The following NDUFB6 variants were observed in gnomAD, a reference collection of about 807,000 sequenced individuals.
NDUFB6 encodes NADH dehydrogenase [ubiquinone] 1 beta subcomplex subunit 6.
In NDUFB6, 23 loss-of-function variants were observed where a neutral mutation model predicts 17.5. The observed-to-expected ratio is 1.31, with a 90% CI of 0.94 to 1.86. The LOEUF is 1.86. Among genes scored for constraint, NDUFB6 ranks in the 40% most tolerant of loss-of-function variants. The pLI is 0.00. For missense variants in NDUFB6, 167 were observed against 153.8 expected (o/e 1.09, Z -0.46); for synonymous variants, 60 against 53.5 (o/e 1.12, Z -0.53).
chr9:32,567,229 G>C, intron 2 of NDUFB6: 7 of 474,096 alleles, frequency 1.5e-5, no homozygotes, highest in Non-Finnish European at 2.6e-5. Flanking sequence ...CACCAGGTGT[G>C]CTCTGCAAAA....
intron 2 of NDUFB6, among the ~76,000 whole-genome samples, chr9:32,565,870 G>A (rs1821769959): frequency 6.6e-6 from 1 of 152,098 alleles, no homozygotes; most frequent in African/African-American, 2.4e-5. Context: ...TACTTGGGAG[G>A]TTGAGGCAGG....
chr9:32,561,798 CTTTA>C (rs1387163093), intron 2 of NDUFB6, among the ~76,000 whole-genome samples: 1 of 152,268 alleles, frequency 6.6e-6, no homozygotes, highest in Non-Finnish European at 1.5e-5. Flanking sequence ...GTGTCTCTGG[CTTTA>C]TTTTTCTTCT....
Position 32,558,915 on chromosome 9 carries a change from A to G in NDUFB6, c.313T>C (p.Phe105Leu), listed in dbSNP as rs1158349530. The G allele has an allele frequency of 3.2e-6, 5 of 1,578,802 alleles. No individual in the cohort carries two copies. Among genetic ancestry groups the G allele is most frequent in the African/African-American group, 1.3e-5 (1 of 74,428 alleles). Residue 105 changes from phenylalanine to leucine, a missense_variant, in exon 3 of 4, where the codon TTC (phenylalanine) becomes CTC (leucine). Coordinates refer to ENST00000379847, the MANE Select transcript of NDUFB6 (RefSeq NM_002493.5). The part of the protein sequence containing the change: ...YGIVEKKSRI[F>L]PGDTILETGE... The stretch of plus-strand genomic sequence containing the variant: ...TCAGAAGTGTTAAGACTTACAGGGA[A>G]TATTCTGGACTTCTTTTCAACTATG...
At chr9:32,564,333 T>C (rs1821714338) in intron 2 of NDUFB6, among the ~76,000 whole-genome samples, 1 of 152,192 alleles carries the variant, frequency 6.6e-6, no homozygotes, top group Non-Finnish European at 1.5e-5. Context: ...CTCACAGGCA[T>C]ACCTTACTTT....
intron 2 of NDUFB6, chr9:32,568,754 T>A (rs1427115905): frequency 9.0e-4 from 83 of 92,220 alleles, no homozygotes; most frequent in Admixed American, 9.1e-4. Flanking sequence ...ATATATTTTT[T>A]TTTTTTTTTT....
chr9:32,567,096 G>A (rs570285058), intron 2 of NDUFB6: 5 of 485,522 alleles, frequency 1.0e-5, no homozygotes, highest in African/African-American at 2.0e-5. Context: ...CACAGGGCCC[G>A]CAGCTTCACA....
chr9:32,573,072 T>C lies in NDUFB6; in HGVS notation c.-12A>G. The C allele has an allele frequency of 6.5e-7, 1 of 1,544,532 alleles. No individual in the cohort carries two copies. Among genetic ancestry groups the C allele is most frequent in the South Asian group, 1.2e-5 (1 of 84,410 alleles). ...GTGTACCCCGTCATGTCGCCGCTGG[T>C]ACCAACGCAAAAGGACACGGCGCAC... On this transcript the variant is annotated 5_prime_UTR_variant, in exon 1 of 4. Transcript: ENST00000379847.
intron 3 of NDUFB6, 27 bp downstream of exon 3, chr9:32,558,883 A>T (rs200276188): frequency 6.9e-7 from 1 of 1,454,672 alleles, no homozygotes; most frequent in East Asian, 2.3e-5. Flanking sequence ...AATAAACAAA[A>T]GAAAAATCAG....
At chr9:32,554,644 T>G (rs929883976) in intron 3 of NDUFB6, among the ~76,000 whole-genome samples, 1 of 152,248 alleles carries the variant, frequency 6.6e-6, no homozygotes, top group Non-Finnish European at 1.5e-5. Flanking sequence ...GACCTGGTAC[T>G]GCTCAGGATT....
intron 2 of NDUFB6, 42 bp from the exon 3 acceptor site, chr9:32,558,996 G>C: frequency 7.0e-7 from 1 of 1,424,602 alleles, no homozygotes; most frequent in Non-Finnish European, 9.7e-7. Flanking sequence ...GGTGTTAAGA[G>C]TTTCTTCTGA....
intron 2 of NDUFB6, among the ~76,000 whole-genome samples, chr9:32,560,275 T>A (rs1219526137): frequency 6.6e-6 from 1 of 152,236 alleles, no homozygotes; most frequent in African/African-American, 2.4e-5. Context: ...TGTCCATCTA[T>A]GGCTCAGGAA....
At chr9:32,572,247 G>C (rs1007250391) in intron 1 of NDUFB6, among the ~76,000 whole-genome samples, 2 of 152,178 alleles carry the variant, frequency 1.3e-5, no homozygotes, top group Non-Finnish European at 1.5e-5. Context: ...CAGTCCTCAA[G>C]AAAATACCCA....
chr9:32,555,091 T>A (rs1821420138), intron 3 of NDUFB6, among the ~76,000 whole-genome samples: 1 of 143,780 alleles, frequency 7.0e-6, no homozygotes, highest in African/African-American at 2.5e-5. Flanking sequence ...TTTCTGTTCC[T>A]GACCAAAAAA....
At chr9:32,570,204 T>A (rs1376895180) in intron 2 of NDUFB6, among the ~76,000 whole-genome samples, 2 of 152,126 alleles carry the variant, frequency 1.3e-5, no homozygotes, top group Non-Finnish European at 2.9e-5. Context: ...GGTACCAATA[T>A]CCTATACTAG....
intron 1 of NDUFB6, among the ~76,000 whole-genome samples, 156 bp from the exon 2 acceptor site, chr9:32,571,208 A>G (rs1821932768): frequency 6.6e-6 from 1 of 152,244 alleles, no homozygotes; most frequent in South Asian, 2.1e-4. Context: ...TCATCTACTC[A>G]AATATTCTTA....
In NDUFB6 at chr9:32,553,503, A is replaced by G. The variant is rs181606382; in HGVS notation, c.*373T>C. The G allele has an allele frequency of 5.5e-4, 112 of 203,780 alleles. No individual in the cohort carries two copies. The highest frequency in any genetic ancestry group is 2.6e-3 in the African/African-American group (108 of 42,114). The allele number at this position is 203,780 out of a possible 1,614,324, so 12.6% of individuals were successfully genotyped here. On this transcript the variant is annotated 3_prime_UTR_variant, in exon 4 of 4. Coordinates refer to ENST00000379847, the MANE Select transcript of NDUFB6 (RefSeq NM_002493.5). ...TGCGCCTGGCCGGAAAGATTTCCTT[A>G]AAACAAAAGTGCATGGAATTGCTGT...
intron 2 of NDUFB6, chr9:32,566,555 G>A (rs771468153): frequency 2.7e-5 from 21 of 776,652 alleles, no homozygotes; most frequent in South Asian, 5.4e-5. Context: ...AGCTGCCGTC[G>A]TACTGCACAG....
chr9:32,553,035 A>T lies in NDUFB6; in HGVS notation c.*841T>A. The stretch of plus-strand genomic sequence containing the variant: ...CAAGTTTATTTTTGCATTATCCTTT[A>T]TAACAAGCACTAGTATGCAAATTTT... On this transcript the variant is annotated 3_prime_UTR_variant, in exon 4 of 4. Coordinates refer to ENST00000379847, the MANE Select transcript of NDUFB6 (RefSeq NM_002493.5). The T allele has an allele frequency of 1.7e-6, 1 of 573,806 alleles. No individual in the cohort carries two copies. The allele number at this position is 573,806 out of a possible 1,614,324, so 35.5% of individuals were successfully genotyped here. A position where few individuals can be genotyped will look rare whatever the true frequency, so the allele number is the denominator to read the frequency against.
intron 2 of NDUFB6, among the ~76,000 whole-genome samples, chr9:32,561,079 A>T (rs1821611609): frequency 6.6e-6 from 1 of 152,242 alleles, no homozygotes; most frequent in South Asian, 2.1e-4. Flanking sequence ...TATGAACATA[A>T]ACTTTTTTAA....
Sources: gnomAD v4.1 joint callset for allele counts (sites outside exome capture counted in the v4.1 genomes callset) on GRCh38, gnomAD v4.1.1 for gene constraint, MANE v1.5 for transcripts, NCBI Gene and HGNC (gene_info 2026-07-23, HGNC 2026-07-21) for gene names.